The following PCDH15 variants were observed in gnomAD, a reference collection of about 807,000 sequenced individuals.
PCDH15 encodes protocadherin related 15.
A neutral mutation model predicts 178.5 loss-of-function variants in PCDH15; 129 were observed. The observed-to-expected ratio is 0.72, with a 90% CI of 0.63 to 0.84. The LOEUF is 0.84. Among genes scored for constraint, PCDH15 ranks in the 40% least tolerant of loss-of-function variants. The pLI, the probability that PCDH15 is intolerant of heterozygous loss-of-function variation, is 0.00. For missense variants in PCDH15, 2,230 were observed against 2,099.9 expected, an observed-to-expected ratio of 1.06 and a Z score of -1.21; for synonymous variants, 800 against 732.0, an observed-to-expected ratio of 1.09 and a Z score of -1.50.
At chr10:54,171,737 G>A (rs1309890836) in intron 13 of PCDH15, among the ~76,000 whole-genome samples, 1 of 151,852 alleles carries the variant, frequency 6.6e-6, no homozygotes, top group African/African-American at 2.4e-5. Flanking sequence ...CCAATTCTTA[G>A]ACCTTTTATA....
At chr10:55,212,458 G>C (rs1408011965) in intron 1 of PCDH15, among the ~76,000 whole-genome samples, 1 of 151,874 alleles carries the variant, frequency 6.6e-6, no homozygotes, top group Non-Finnish European at 1.5e-5. Context: ...CTGTGTCCTT[G>C]TTCTCCTTGA....
intron 3 of PCDH15, among the ~76,000 whole-genome samples, chr10:54,519,490 A>G (rs959179918): frequency 5.3e-5 from 8 of 152,122 alleles, no homozygotes; most frequent in Admixed American, 2.6e-4. Context: ...AAATACCTAG[A>G]AATCTGACTT....
chr10:53,982,870 G>C (rs963230017), intron 21 of PCDH15, among the ~76,000 whole-genome samples: 2 of 151,638 alleles, frequency 1.3e-5, no homozygotes, highest in African/African-American at 4.8e-5. Context: ...AAAATAATTA[G>C]GTCCTTAGTA....
chr10:54,532,637 TA>T (rs2132759274), intron 2 of PCDH15, among the ~76,000 whole-genome samples: 1 of 152,266 alleles, frequency 6.6e-6, no homozygotes, highest in Admixed American at 6.5e-5. Flanking sequence ...ACAATAAAAT[TA>T]AAACAACACT....
At position 53,901,890 on chromosome 10, in the gene PCDH15, T is replaced by C. The variant is rs79158273; in HGVS notation, c.3501+1353A>G. Among the ~76,000 whole-genome samples, 174 of 152,332 alleles carry C rather than the reference T, an allele frequency of 1.1e-3. No individual in the cohort carries two copies. In the East Asian group the frequency reaches 0.03, roughly 26 times the overall value. On this transcript the variant is annotated intron_variant, in intron 26 of 37. Transcript: ENST00000644397. The stretch of plus-strand genomic sequence containing the variant: ...CTCTCATTCTTCCCTTATCAAACTT[T>C]TTTGTTTCCTTAGAATTTATCACTA...
At chr10:54,027,060 T>C (rs2093123451) in intron 18 of PCDH15, among the ~76,000 whole-genome samples, 1 of 145,304 alleles carries the variant, frequency 6.9e-6, no homozygotes, top group Non-Finnish European at 1.5e-5. Context: ...CAGCCCAAAA[T>C]CTCCTTAAGC....
intron 8 of PCDH15, among the ~76,000 whole-genome samples, chr10:54,281,470 G>A (rs763903802): frequency 6.6e-6 from 1 of 151,718 alleles, no homozygotes; most frequent in Non-Finnish European, 1.5e-5. Flanking sequence ...TATGAATATT[G>A]AGTCTATTAA....
chr10:54,660,396 C>T (rs1375623728), intron 2 of PCDH15, among the ~76,000 whole-genome samples: 2 of 151,902 alleles, frequency 1.3e-5, no homozygotes, highest in African/African-American at 4.8e-5. Context: ...AAACATATAA[C>T]CAGCCAAGAT....
chr10:54,189,471 A>G lies in PCDH15; in HGVS notation c.1306-4203T>C, dbSNP rs915348766. ...GAAGAAAAAGCAAACCACTTCCAGC[A>G]CACTAGACTGACAATTTTTTTCAGA... On this transcript the variant is annotated intron_variant, in intron 11 of 37. Coordinates refer to ENST00000644397, the MANE Select transcript of PCDH15 (RefSeq NM_001384140.1). 280 of 843,882 alleles carry G rather than the reference A, an allele frequency of 3.3e-4. 2 individuals carry two copies. Among genetic ancestry groups the G allele is most frequent in the Non-Finnish European group, 1.5e-5 (9 of 585,918 alleles). 52.3% of individuals were successfully genotyped at this position (843,882 alleles called of 1,614,324 possible).
chr10:53,981,143 A>G (rs1479122051), intron 21 of PCDH15, among the ~76,000 whole-genome samples: 1 of 152,214 alleles, frequency 6.6e-6, no homozygotes, highest in East Asian at 1.9e-4. Flanking sequence ...CTACAGAGTA[A>G]TAAGGCGAGA....
At chr10:53,810,102 T>G (rs1210639688) in intron 37 of PCDH15, among the ~76,000 whole-genome samples, 2 of 152,154 alleles carry the variant, frequency 1.3e-5, no homozygotes, top group Non-Finnish European at 2.9e-5. Flanking sequence ...GTCATGCTAA[T>G]TTAAACATAA....
intron 2 of PCDH15, among the ~76,000 whole-genome samples, chr10:55,538,405 C>T (rs1230373896): frequency 2.8e-5 from 4 of 143,592 alleles, no homozygotes; most frequent in African/African-American, 1.1e-4. Flanking sequence ...TTTCTTCCTT[C>T]CTTCCTTCCT....
chr10:54,696,487 T>C (rs2095226781), intron 1 of PCDH15, among the ~76,000 whole-genome samples: 1 of 152,138 alleles, frequency 6.6e-6, no homozygotes, highest in South Asian at 2.1e-4. Flanking sequence ...ATAAGTTTAG[T>C]TGACAAAGCA....
intron 2 of PCDH15, among the ~76,000 whole-genome samples, chr10:54,640,797 AG>A (rs1427846710): frequency 1.3e-5 from 2 of 152,116 alleles, no homozygotes; most frequent in Non-Finnish European, 2.9e-5. Flanking sequence ...TAAGAGTCTT[AG>A]TGACATATTA....
At chr10:55,448,719 C>T (rs1024408299) in intron 2 of PCDH15, among the ~76,000 whole-genome samples, 3 of 151,866 alleles carry the variant, frequency 2.0e-5, no homozygotes, top group African/African-American at 7.3e-5. Context: ...AAAATATTTT[C>T]CTGAAGGTCC....
chr10:54,539,783 A>G (rs907833015), intron 2 of PCDH15, among the ~76,000 whole-genome samples: 20 of 152,184 alleles, frequency 1.3e-4, no homozygotes, highest in African/African-American at 4.8e-4. Context: ...AACAAGTCTC[A>G]AAGAAATCAA....
At chr10:54,254,116 AT>A (rs1419560901) in intron 8 of PCDH15, among the ~76,000 whole-genome samples, 2 of 152,096 alleles carry the variant, frequency 1.3e-5, no homozygotes, top group Non-Finnish European at 2.9e-5. Flanking sequence ...CAGACTCAAA[AT>A]ACCATAAACT....
intron 2 of PCDH15, among the ~76,000 whole-genome samples, chr10:54,941,868 G>T (rs1838072023): frequency 6.6e-6 from 1 of 151,970 alleles, no homozygotes; most frequent in Non-Finnish European, 1.5e-5. Context: ...TCAGCCTTGG[G>T]AATGTGCATA....
chr10:54,864,639 G>A (rs1226810832), intron 3 of PCDH15: 1 of 152,174 alleles, frequency 6.6e-6, no homozygotes, highest in Non-Finnish European at 1.5e-5. Context: ...TTGCAGTCAA[G>A]CTGTTGGCTA....
Sources: gnomAD v4.1 joint callset for allele counts (sites outside exome capture counted in the v4.1 genomes callset) on GRCh38, gnomAD v4.1.1 for gene constraint, MANE v1.5 for transcripts, NCBI Gene and HGNC (gene_info 2026-07-23, HGNC 2026-07-21) for gene names.